The following PPP3CA variants were observed in gnomAD, a reference collection of about 807,000 sequenced individuals.
PPP3CA encodes CAM-PRP catalytic subunit.
Under a neutral mutation model 66.5 loss-of-function variants are expected in PPP3CA, and 14 were observed. The observed-to-expected ratio is 0.21, with a 90% confidence interval of 0.14 to 0.33. The LOEUF (loss-of-function observed/expected upper bound fraction) is 0.33. Among genes scored for constraint, PPP3CA ranks in the 10% least tolerant of loss-of-function variants. PPP3CA has a pLI of 1.00. For missense variants in PPP3CA, 317 were observed against 639.5 expected (o/e 0.50, Z 5.44); for synonymous variants, 232 against 226.2 (o/e 1.03, Z -0.23).
intron 1 of PPP3CA, among the ~76,000 whole-genome samples, chr4:101,280,577 T>C (rs1033526927): frequency 1.3e-5 from 2 of 152,056 alleles, no homozygotes; most frequent in East Asian, 1.9e-4. Flanking sequence ...CCCAGCACTG[T>C]AGGAGGCCGA....
At chr4:101,150,780 C>T (rs1364373001) in intron 2 of PPP3CA, among the ~76,000 whole-genome samples, 4 of 152,228 alleles carry the variant, frequency 2.6e-5, no homozygotes, top group South Asian at 4.1e-4. Flanking sequence ...TAATATTAAT[C>T]GCTTCCTCCT....
chr4:101,154,408 A>C (rs1723242286), intron 2 of PPP3CA, among the ~76,000 whole-genome samples: 1 of 152,348 alleles, frequency 6.6e-6, no homozygotes, highest in South Asian at 2.1e-4. Flanking sequence ...ATTAAAGAGC[A>C]CGTGATTTAC....
At chr4:101,032,184 T>A in intron 12 of PPP3CA, 83 bp downstream of exon 12, 1 of 1,088,318 alleles carries the variant, frequency 9.2e-7, no homozygotes, top group Non-Finnish European at 1.3e-6. Context: ...AGACAGAGCT[T>A]AAATGAATGA....
At chr4:101,296,719 A>C (rs1728211692) in intron 1 of PPP3CA, among the ~76,000 whole-genome samples, 1 of 152,108 alleles carries the variant, frequency 6.6e-6, no homozygotes, top group African/African-American at 2.4e-5. Context: ...CCATTTTTTA[A>C]AATAAAAGTT....
chr4:101,108,151 G>A (rs997273282), intron 3 of PPP3CA: 5 of 152,144 alleles, frequency 3.3e-5, no homozygotes, highest in Non-Finnish European at 7.3e-5. Flanking sequence ...TAATGAGTTT[G>A]ACAAATTACC....
chr4:101,330,873 T>C (rs1306573872), intron 1 of PPP3CA, among the ~76,000 whole-genome samples: 1 of 152,172 alleles, frequency 6.6e-6, no homozygotes, highest in Non-Finnish European at 1.5e-5. Context: ...CTTCTTTTTA[T>C]GTTTTGGATC....
chr4:101,275,426 AC>A (rs1727459542), intron 1 of PPP3CA, among the ~76,000 whole-genome samples: 1 of 152,188 alleles, frequency 6.6e-6, no homozygotes, highest in Non-Finnish European at 1.5e-5. Flanking sequence ...CTTAAGAAAC[AC>A]GGTTGCCAGT....
intron 2 of PPP3CA, among the ~76,000 whole-genome samples, chr4:101,191,397 T>C (rs531059619): frequency 6.6e-6 from 1 of 152,276 alleles, no homozygotes; most frequent in African/African-American, 2.4e-5. Context: ...ATATAATCAC[T>C]TTTTTAACCA....
At chr4:101,330,773 T>C (rs1729361703) in intron 1 of PPP3CA, among the ~76,000 whole-genome samples, 1 of 152,116 alleles carries the variant, frequency 6.6e-6, no homozygotes, top group Non-Finnish European at 1.5e-5. Context: ...GTACAATAAC[T>C]AGCACTACAC....
chr4:101,212,543 G>A (rs2110206197), intron 1 of PPP3CA, among the ~76,000 whole-genome samples: 1 of 152,162 alleles, frequency 6.6e-6, no homozygotes, highest in East Asian at 1.9e-4. Flanking sequence ...GGGATGATCT[G>A]TGCAGCAAAC....
At chr4:101,147,897 A>C (rs945072934) in intron 2 of PPP3CA, among the ~76,000 whole-genome samples, 4 of 152,194 alleles carry the variant, frequency 2.6e-5, no homozygotes, top group Non-Finnish European at 5.9e-5. Context: ...TCTAGTTATT[A>C]TGAGGGAAAT....
chr4:101,178,579 C>G (rs1724137353), intron 2 of PPP3CA, among the ~76,000 whole-genome samples: 1 of 152,072 alleles, frequency 6.6e-6, no homozygotes. Flanking sequence ...AATCAGGATA[C>G]ATATTTTGCT....
intron 1 of PPP3CA, among the ~76,000 whole-genome samples, chr4:101,313,348 T>C (rs1029297588): frequency 6.6e-6 from 1 of 152,162 alleles, no homozygotes; most frequent in Non-Finnish European, 1.5e-5. Context: ...TATATGAAAT[T>C]AATCCCTGAG....
chr4:101,150,427 A>G (rs1723101524), intron 2 of PPP3CA, among the ~76,000 whole-genome samples: 1 of 152,172 alleles, frequency 6.6e-6, no homozygotes, highest in South Asian at 2.1e-4. Flanking sequence ...GCTCTTTACT[A>G]ACAACACTTC....
At chr4:101,082,794 G>A (rs1729494719) in intron 7 of PPP3CA, among the ~76,000 whole-genome samples, 1 of 152,118 alleles carries the variant, frequency 6.6e-6, no homozygotes, top group Non-Finnish European at 1.5e-5. Context: ...AGTAAAATGT[G>A]CAATACCTGT....
intron 10 of PPP3CA, among the ~76,000 whole-genome samples, chr4:101,043,797 C>A (rs1232353766): frequency 6.6e-6 from 1 of 152,098 alleles, no homozygotes; most frequent in Non-Finnish European, 1.5e-5. Context: ...ATCGGTTGAA[C>A]CTGGGAGGCA....
At chr4:101,034,741 A>G (rs781426537) in intron 11 of PPP3CA, among the ~76,000 whole-genome samples, 1 of 152,132 alleles carries the variant, frequency 6.6e-6, no homozygotes, top group African/African-American at 2.4e-5. Flanking sequence ...ATAATTAATT[A>G]TTGTTTATTT....
intron 1 of PPP3CA, 139 bp downstream of exon 1, chr4:101,346,600 A>C (rs1174079883): frequency 2.8e-6 from 2 of 722,234 alleles, no homozygotes; most frequent in Non-Finnish European, 2.2e-6. Context: ...CGCGGGTTGC[A>C]CAATATCCTA....
At position 101,347,269 on chromosome 4, in the gene PPP3CA, G is replaced by T; in HGVS notation, c.-473C>A. 4.7e-6 allele frequency: 1 copy of T among 212,166 alleles called. No individual in the cohort carries two copies. The highest frequency in any genetic ancestry group is 9.3e-6 in the Non-Finnish European group (1 of 107,394). 13.1% of individuals were successfully genotyped at this position (212,166 alleles called of 1,614,324 possible). On this transcript the variant is annotated 5_prime_UTR_variant, in exon 1 of 14. Transcript: ENST00000394854. ...AGGGAGGAGAGGCAGGGCCGCCGAT[G>T]TCAGTGCCACCAGCCGCACCTTGGC...
Sources: gnomAD v4.1 joint callset for allele counts (sites outside exome capture counted in the v4.1 genomes callset) on GRCh38, gnomAD v4.1.1 for gene constraint, MANE v1.5 for transcripts, NCBI Gene and HGNC (gene_info 2026-07-23, HGNC 2026-07-21) for gene names.